The following LRBA variants were observed in gnomAD, a reference collection of about 807,000 sequenced individuals.
LRBA encodes the protein lipopolysaccharide-responsive and beige-like anchor protein.
LRBA carries 176 observed loss-of-function variants against 330.0 expected under a neutral mutation model. That is an observed-to-expected ratio of 0.53 (90% CI 0.47 to 0.60). The LOEUF (loss-of-function observed/expected upper bound fraction) is 0.60. Ranked by LOEUF, LRBA falls within the 20% of genes least tolerant of loss-of-function variation. The pLI, the probability that LRBA is intolerant of heterozygous loss-of-function variation, is 0.00. For missense variants in LRBA, 3,259 were observed against 3,444.8 expected (o/e 0.95, Z 1.35); for synonymous variants, 1,230 against 1,193.0 (o/e 1.03, Z -0.64).
chr4:150,402,512 A>G (rs1403450062), intron 47 of LRBA, among the ~76,000 whole-genome samples: 1 of 152,142 alleles, frequency 6.6e-6, no homozygotes, highest in African/African-American at 2.4e-5. Context: ...AAAACCAGGT[A>G]CTATAGTCAC....
At chr4:150,848,681 C>T (rs185655745) in intron 26 of LRBA, 137 bp downstream of exon 26, 2 of 639,042 alleles carry the variant, frequency 3.1e-6, no homozygotes, top group East Asian at 2.9e-5. Flanking sequence ...CTACTATGTA[C>T]ATTAAAAAAA....
At chr4:151,006,705 T>C (rs1744110008) in intron 2 of LRBA, among the ~76,000 whole-genome samples, 1 of 152,166 alleles carries the variant, frequency 6.6e-6, no homozygotes, top group Admixed American at 6.5e-5. Flanking sequence ...AAAAAAAATC[T>C]GATTTTCCAG....
chr4:150,565,215 T>TG (rs1768971855), intron 40 of LRBA, among the ~76,000 whole-genome samples: 1 of 152,112 alleles, frequency 6.6e-6, no homozygotes, highest in African/African-American at 2.4e-5. Context: ...AGGACATGGA[T>TG]GAAACTGGAA....
chr4:150,568,062 T>C (rs1362454694), intron 40 of LRBA, among the ~76,000 whole-genome samples: 1 of 152,062 alleles, frequency 6.6e-6, no homozygotes, highest in African/African-American at 2.4e-5. Context: ...TCCCAGACCT[T>C]TGGAAGGCTG....
chr4:150,976,250 CA>C (rs1439407553), intron 2 of LRBA, among the ~76,000 whole-genome samples: 1 of 148,654 alleles, frequency 6.7e-6, no homozygotes, highest in Non-Finnish European at 1.5e-5. Context: ...ACTGACTAGA[CA>C]AATTTGTTGA....
intron 55 of LRBA, among the ~76,000 whole-genome samples, chr4:150,280,146 G>A (rs1410811200): frequency 2.0e-5 from 3 of 152,162 alleles, no homozygotes; most frequent in African/African-American, 7.2e-5. Context: ...TCTTTCAGGA[G>A]AGGCCAAATT....
chr4:150,573,698 A>G (rs926060246), intron 40 of LRBA, among the ~76,000 whole-genome samples: 2 of 152,208 alleles, frequency 1.3e-5, no homozygotes, highest in African/African-American at 4.8e-5. Context: ...AGCTACTCTG[A>G]TATAGCATCT....
intron 48 of LRBA, among the ~76,000 whole-genome samples, chr4:150,336,838 A>T (rs1219646985): frequency 2.6e-5 from 4 of 152,188 alleles, no homozygotes; most frequent in Non-Finnish European, 5.9e-5. Context: ...CCAGCTAGTC[A>T]GAGCAGACAC....
chr4:150,364,482 T>C (rs1739158772), intron 47 of LRBA, among the ~76,000 whole-genome samples: 1 of 152,204 alleles, frequency 6.6e-6, no homozygotes, highest in African/African-American at 2.4e-5. Flanking sequence ...CCTAAAGCCA[T>C]ATTAACCACA....
intron 2 of LRBA, among the ~76,000 whole-genome samples, chr4:150,936,973 T>C (rs1387003876): frequency 6.6e-6 from 1 of 152,058 alleles, no homozygotes; most frequent in African/African-American, 2.4e-5. Flanking sequence ...TAATATTACT[T>C]ACATCAATCA....
chr4:150,895,989 A>G (rs1025007652), intron 16 of LRBA, among the ~76,000 whole-genome samples: 2 of 152,204 alleles, frequency 1.3e-5, no homozygotes, highest in Non-Finnish European at 2.9e-5. Context: ...TTTAAATACC[A>G]TTATAAATGA....
In LRBA at chr4:150,552,942, G is replaced by A. The variant is rs573561467; in HGVS notation, c.6330+35106C>T. Among the ~76,000 whole-genome samples, 93 of 151,918 alleles carry A rather than the reference G, an allele frequency of 6.1e-4. No homozygotes were observed. The South Asian group carries it at 0.015, about 25-fold the overall frequency. On this transcript the variant is annotated intron_variant, in intron 40 of 56. Coordinates refer to ENST00000651943, the MANE Select transcript of LRBA (RefSeq NM_001364905.1). ...AAAATAGCCTGGCATGGTGGCAGGC[G>A]CCTGTAGTCTCAGCTACTTGGGAGG...
intron 36 of LRBA, among the ~76,000 whole-genome samples, chr4:150,684,203 T>C (rs1288520795): frequency 6.6e-6 from 1 of 152,200 alleles, no homozygotes; most frequent in Non-Finnish European, 1.5e-5. Flanking sequence ...ATTAAAATGA[T>C]CATATAGCTG....
rs1561151133 is a variant in LRBA, at chr4:150,420,440, T to TAC, written c.7042-4852_7042-4851dup. 2.3e-3 allele frequency among the ~76,000 whole-genome samples: 281 copies of TAC among 119,678 alleles called. 34 individuals are homozygous for TAC. Among genetic ancestry groups the TAC allele is most frequent in the African/African-American group, 8.3e-3 (259 of 31,342 alleles). 78.5% of individuals were successfully genotyped at this position (119,678 alleles called of 152,430 possible). On this transcript the variant is annotated intron_variant, in intron 46 of 56. Transcript: ENST00000651943. ...TATAGTATATATAAAGTATATATAA[T>TAC]ACATATATAATATATAAAGTATATA...
chr4:151,003,970 G>C (rs1426152041), intron 2 of LRBA, among the ~76,000 whole-genome samples: 1 of 150,966 alleles, frequency 6.6e-6, no homozygotes, highest in East Asian at 1.9e-4. Context: ...TGGAGTGTGG[G>C]GTACAGTGAC....
chr4:150,377,106 A>T (rs1297998347), intron 47 of LRBA, among the ~76,000 whole-genome samples: 4 of 151,420 alleles, frequency 2.6e-5, no homozygotes, highest in Non-Finnish European at 5.9e-5. Flanking sequence ...CAGCCTGAGC[A>T]ACATGGCAAG....
chr4:150,865,946 C>T (rs1227575860), intron 22 of LRBA, among the ~76,000 whole-genome samples: 2 of 152,092 alleles, frequency 1.3e-5, no homozygotes, highest in African/African-American at 4.8e-5. Context: ...CAACTTTTGA[C>T]CTCAGGTGAT....
chr4:150,965,885 G>T (rs1738824745), intron 2 of LRBA, among the ~76,000 whole-genome samples: 1 of 152,040 alleles, frequency 6.6e-6, no homozygotes, highest in Admixed American at 6.6e-5. Flanking sequence ...GAAGGAGAGA[G>T]ATGAGCAAGG....
At chr4:150,535,504 A>G (rs1764558577) in intron 40 of LRBA, among the ~76,000 whole-genome samples, 1 of 152,082 alleles carries the variant, frequency 6.6e-6, no homozygotes, top group Non-Finnish European at 1.5e-5. Flanking sequence ...CTCTTTCTAT[A>G]TTTACACAAA....
Sources: gnomAD v4.1 joint callset for allele counts (sites outside exome capture counted in the v4.1 genomes callset) on GRCh38, gnomAD v4.1.1 for gene constraint, MANE v1.5 for transcripts, NCBI Gene and HGNC (gene_info 2026-07-23, HGNC 2026-07-21) for gene names.